Variants in TMTC1 observed in about 807,000 individuals in gnomAD.
TMTC1 encodes the protein transmembrane O-mannosyltransferase targeting cadherins 1.
A neutral mutation model predicts 104.8 loss-of-function variants in TMTC1; 73 were observed. The ratio of observed to expected loss-of-function variants is 0.70; its 90% confidence interval spans 0.58 to 0.85. The LOEUF (loss-of-function observed/expected upper bound fraction) is 0.85, where lower values mean the gene tolerates loss of function less well. Ranked by LOEUF, TMTC1 falls within the 40% of genes least tolerant of loss-of-function variation. TMTC1 has a pLI of 0.00. For synonymous variants in TMTC1, 434 were observed against 428.7 expected (o/e 1.01, Z -0.15); for missense variants, 1,035 against 1,096.1 (o/e 0.94, Z 0.79).
At chr12:29,763,359 G>A (rs955658750) in intron 2 of TMTC1, among the ~76,000 whole-genome samples, 3 of 152,174 alleles carry the variant, frequency 2.0e-5, no homozygotes, top group Non-Finnish European at 2.9e-5. Context: ...TGGGGCAAAA[G>A]CCTAGATATC....
chr12:29,626,962 C>G (rs61922198), intron 6 of TMTC1, among the ~76,000 whole-genome samples: 7 of 151,776 alleles, frequency 4.6e-5, no homozygotes, highest in Non-Finnish European at 1.0e-4. Flanking sequence ...ATTAGCTGGG[C>G]GTGGTGGTGG....
intron 5 of TMTC1, among the ~76,000 whole-genome samples, chr12:29,744,388 T>C (rs1212403265): frequency 6.6e-6 from 1 of 152,154 alleles, no homozygotes; most frequent in Non-Finnish European, 1.5e-5. Context: ...ACCCTAAAAC[T>C]TAAAGTATAA....
intron 7 of TMTC1, among the ~76,000 whole-genome samples, chr12:29,583,860 T>C (rs904859195): frequency 2.6e-5 from 4 of 152,228 alleles, no homozygotes; most frequent in Admixed American, 1.3e-4. Context: ...TGAGGCATCA[T>C]GAGAAGTCCC....
chr12:29,753,677 A>G (rs1943145312), intron 4 of TMTC1, among the ~76,000 whole-genome samples: 1 of 152,220 alleles, frequency 6.6e-6, no homozygotes, highest in East Asian at 1.9e-4. Context: ...ACTGTAATCA[A>G]TCACTCGTCA....
chr12:29,774,130 T>C (rs146201328), intron 1 of TMTC1, among the ~76,000 whole-genome samples: 1,525 of 152,298 alleles, frequency 0.01, 6 homozygotes, highest in Middle Eastern at 0.017. Flanking sequence ...AGGGAGATTT[T>C]AGCATCTCAA....
At chr12:29,768,527 G>T (rs190048500) in intron 1 of TMTC1, among the ~76,000 whole-genome samples, 34 of 152,250 alleles carry the variant, frequency 2.2e-4, no homozygotes, top group Non-Finnish European at 3.8e-4. Context: ...GTCACAGTTG[G>T]GACAAATGAA....
At chr12:29,586,006 T>C (rs1341171867) in intron 7 of TMTC1, among the ~76,000 whole-genome samples, 3 of 152,126 alleles carry the variant, frequency 2.0e-5, no homozygotes, top group Non-Finnish European at 2.9e-5. Flanking sequence ...GGGGATGGCA[T>C]TGAATCTATA....
chr12:29,646,355 A>G (rs1939267773), intron 5 of TMTC1, among the ~76,000 whole-genome samples: 1 of 152,222 alleles, frequency 6.6e-6, no homozygotes, highest in Admixed American at 6.5e-5. Flanking sequence ...CATTTTTTTC[A>G]GTGTGAAAAG....
chr12:29,762,751 T>C (rs1381640086), intron 2 of TMTC1, among the ~76,000 whole-genome samples: 1 of 152,178 alleles, frequency 6.6e-6, no homozygotes, highest in African/African-American at 2.4e-5. Context: ...GAGTACCAAA[T>C]CAGGAAGACT....
chr12:29,736,953 G>A (rs749908562), intron 5 of TMTC1, among the ~76,000 whole-genome samples: 2 of 152,204 alleles, frequency 1.3e-5, no homozygotes, highest in Non-Finnish European at 2.9e-5. Context: ...ACCATCCAAC[G>A]TAACATTCAG....
chr12:29,696,300 A>G (rs1941422322), intron 5 of TMTC1, among the ~76,000 whole-genome samples: 3 of 152,152 alleles, frequency 2.0e-5, no homozygotes, highest in African/African-American at 7.2e-5. Flanking sequence ...TTAATGGGGA[A>G]GAAGGGAAAC....
chr12:29,728,998 CAA>C (rs34267484), intron 5 of TMTC1, among the ~76,000 whole-genome samples: 80 of 68,704 alleles, frequency 1.2e-3, no homozygotes, highest in Middle Eastern at 0.01. Context: ...ACTCCATCTC[CAA>C]AAAAAAAAAA....
At chr12:29,670,100 C>T (rs1212188372) in intron 5 of TMTC1, among the ~76,000 whole-genome samples, 1 of 152,212 alleles carries the variant, frequency 6.6e-6, no homozygotes, top group African/African-American at 2.4e-5. Flanking sequence ...ACTTGCAATA[C>T]ACATTTGTGT....
At chr12:29,582,117 C>T (rs61922183) in intron 8 of TMTC1, among the ~76,000 whole-genome samples, 2,158 of 152,236 alleles carry the variant, frequency 0.014, 28 homozygotes, top group Non-Finnish European at 0.024. Context: ...GACATGCATG[C>T]CAGACTGACT....
At chr12:29,619,860 A>G (rs1947083992) in intron 6 of TMTC1, among the ~76,000 whole-genome samples, 1 of 152,152 alleles carries the variant, frequency 6.6e-6, no homozygotes, top group African/African-American at 2.4e-5. Context: ...TGCACTTAAA[A>G]CCTGCACTTA....
intron 7 of TMTC1, among the ~76,000 whole-genome samples, chr12:29,586,625 T>C (rs1257336329): frequency 6.6e-6 from 1 of 151,930 alleles, no homozygotes; most frequent in Non-Finnish European, 1.5e-5. Flanking sequence ...ACCTAATTTA[T>C]TGAGAGTTTT....
intron 6 of TMTC1, among the ~76,000 whole-genome samples, chr12:29,621,307 C>T (rs1040132604): frequency 5.3e-5 from 8 of 152,156 alleles, no homozygotes; most frequent in Admixed American, 4.6e-4. Flanking sequence ...GCCATAATAC[C>T]ATAACCTATT....
chr12:29,608,134 T>C (rs1946750802), intron 6 of TMTC1, among the ~76,000 whole-genome samples: 1 of 152,218 alleles, frequency 6.6e-6, no homozygotes, highest in South Asian at 2.1e-4. Flanking sequence ...ACATACTTAT[T>C]TGAAAAACAT....
At chr12:29,671,542 C>A (rs1181962726) in intron 5 of TMTC1, among the ~76,000 whole-genome samples, 1 of 151,578 alleles carries the variant, frequency 6.6e-6, no homozygotes, top group Non-Finnish European at 1.5e-5. Flanking sequence ...CTGTTCTAAA[C>A]ACGCTAATTC....
Sources: gnomAD v4.1 joint callset for allele counts (sites outside exome capture counted in the v4.1 genomes callset) on GRCh38, gnomAD v4.1.1 for gene constraint, MANE v1.5 for transcripts, NCBI Gene and HGNC (gene_info 2026-07-23, HGNC 2026-07-21) for gene names.